ADAMTSL1: variants seen among roughly 807,000 people sequenced by gnomAD.
ADAMTSL1 encodes ADAMTS-like protein 1.
Under a neutral mutation model 201.8 loss-of-function variants are expected in ADAMTSL1, and 126 were observed. That is an observed-to-expected ratio of 0.62 (90% CI 0.54 to 0.72). The LOEUF (loss-of-function observed/expected upper bound fraction) is 0.72, where lower values mean the gene tolerates loss of function less well. Ranked by LOEUF, ADAMTSL1 falls within the 30% of genes least tolerant of loss-of-function variation. ADAMTSL1 has a pLI of 0.00. For missense variants in ADAMTSL1, 2,679 were observed against 2,277.8 expected, an observed-to-expected ratio of 1.18 and a Z score of -3.59; for synonymous variants, 1,121 against 903.4, an observed-to-expected ratio of 1.24 and a Z score of -4.32.
At chr9:17,924,244 C>T (rs904802757) in intron 1 of ADAMTSL1, among the ~76,000 whole-genome samples, 5 of 152,008 alleles carry the variant, frequency 3.3e-5, no homozygotes, top group African/African-American at 1.2e-4. Flanking sequence ...GGCTGTGAAT[C>T]CATCTGGTCC....
chr9:18,270,457 A>G (rs16936498), intron 2 of ADAMTSL1, among the ~76,000 whole-genome samples: 5,794 of 152,254 alleles, frequency 0.038, 382 homozygotes, highest in African/African-American at 0.13. Context: ...ATCCTTACCT[A>G]AATCCAAAAA....
At chr9:18,448,882 T>C (rs1329721) in intron 2 of ADAMTSL1, among the ~76,000 whole-genome samples, 81,856 of 151,974 alleles carry the variant, frequency 0.54, 22,160 homozygotes, top group Non-Finnish European at 0.57. Context: ...AAGGCTCGAA[T>C]GTTTAAAATT....
intron 2 of ADAMTSL1, among the ~76,000 whole-genome samples, chr9:18,434,958 T>C (rs118017405): frequency 2.1e-3 from 326 of 152,338 alleles, no homozygotes; most frequent in Middle Eastern, 6.8e-3. Context: ...GGACCACATC[T>C]GGCTTTGATC....
At chr9:18,798,136 C>A (rs1822550278) in intron 20 of ADAMTSL1, among the ~76,000 whole-genome samples, 1 of 151,780 alleles carries the variant, frequency 6.6e-6, no homozygotes, top group Non-Finnish European at 1.5e-5. Context: ...AATCAAGTGT[C>A]CCCATGATTT....
intron 2 of ADAMTSL1, among the ~76,000 whole-genome samples, chr9:18,467,202 G>A (rs1821041366): frequency 6.6e-6 from 1 of 152,136 alleles, no homozygotes; most frequent in Non-Finnish European, 1.5e-5. Context: ...AGGGTAGCAG[G>A]TGAAAAGTAC....
rs1823732388 is a variant in ADAMTSL1, at chr9:18,814,851, CT to C, written c.3806-2257del. On this transcript the variant is annotated intron_variant, in intron 20 of 28. Coordinates refer to ENST00000380548, the MANE Select transcript of ADAMTSL1 (RefSeq NM_001040272.6). ...ACACAAGGTTACCTATGTAACAACC[CT>C]GCATATGTGCCCCTAACTTAATTAG... Among the ~76,000 whole-genome samples, 5 of 152,236 alleles carry C rather than the reference CT, an allele frequency of 3.3e-5. No individual in the cohort carries two copies. The South Asian group carries it at 6.2e-4, about 19-fold the overall frequency.
At chr9:18,466,366 C>T (rs1821005239) in intron 2 of ADAMTSL1, among the ~76,000 whole-genome samples, 1 of 152,006 alleles carries the variant, frequency 6.6e-6, no homozygotes, top group Non-Finnish European at 1.5e-5. Flanking sequence ...TATTTTATTT[C>T]CTTCTTGCCA....
chr9:17,952,199 C>T, intron 1 of ADAMTSL1, among the ~76,000 whole-genome samples: 1 of 151,748 alleles, frequency 6.6e-6, no homozygotes, highest in African/African-American at 2.4e-5. Flanking sequence ...AGCAATCCTC[C>T]TGCCTCAGCC....
intron 2 of ADAMTSL1, among the ~76,000 whole-genome samples, chr9:18,243,132 GAC>G: frequency 6.6e-6 from 1 of 152,214 alleles, no homozygotes; most frequent in East Asian, 1.9e-4. Context: ...CATTAAAACA[GAC>G]ACATAGACCA....
chr9:18,189,417 G>T (rs185011714), intron 2 of ADAMTSL1, among the ~76,000 whole-genome samples: 1 of 152,208 alleles, frequency 6.6e-6, no homozygotes, highest in African/African-American at 2.4e-5. Context: ...AAGGCTATGT[G>T]GTGTCTGTAT....
intron 1 of ADAMTSL1, among the ~76,000 whole-genome samples, chr9:18,143,337 AT>A (rs1826482957): frequency 1.3e-5 from 2 of 152,130 alleles, no homozygotes; most frequent in Non-Finnish European, 2.9e-5. Flanking sequence ...TAATTGAAGG[AT>A]TTTAAAAAGT....
At chr9:17,989,792 C>T (rs7856201) in intron 1 of ADAMTSL1, among the ~76,000 whole-genome samples, 87,838 of 151,428 alleles carry the variant, frequency 0.58, 28,078 homozygotes, top group African/African-American at 0.85. Flanking sequence ...TGGACATTGA[C>T]ATTTTAAGCC....
At chr9:18,306,309 A>G (rs971189097) in intron 2 of ADAMTSL1, among the ~76,000 whole-genome samples, 4 of 152,204 alleles carry the variant, frequency 2.6e-5, no homozygotes, top group African/African-American at 7.2e-5. Context: ...ACAACTCCTC[A>G]CCAGCAAGGG....
rs1342429750 is a variant in ADAMTSL1, at chr9:18,909,593, C to G, written c.*1045C>G. ...CCTTCTAGGACCTTTGCTGCTCCAC[C>G]GAAGGGCCAGGGACTATGGTTAACT... On this transcript the variant is annotated 3_prime_UTR_variant, in exon 29 of 29. Coordinates refer to ENST00000380548, the MANE Select transcript of ADAMTSL1 (RefSeq NM_001040272.6). The G allele has an allele frequency of 6.6e-6, 1 of 152,210 alleles. No individual in the cohort carries two copies. Among genetic ancestry groups the G allele is most frequent in the Non-Finnish European group, 1.5e-5 (1 of 68,056 alleles). The allele number at this position is 152,210 out of a possible 1,614,324, so 9.4% of individuals were successfully genotyped here. A position where few individuals can be genotyped will look rare whatever the true frequency, so the allele number is the denominator to read the frequency against.
At chr9:18,172,324 A>G (rs907914493) in intron 2 of ADAMTSL1, among the ~76,000 whole-genome samples, 2 of 152,090 alleles carry the variant, frequency 1.3e-5, no homozygotes, top group African/African-American at 2.4e-5. Context: ...GAACAGCCCA[A>G]TAGAAAAAAA....
chr9:17,930,260 G>A (rs1204182834), intron 1 of ADAMTSL1, among the ~76,000 whole-genome samples: 3 of 152,054 alleles, frequency 2.0e-5, no homozygotes, highest in East Asian at 1.9e-4. Flanking sequence ...AGTCTCTGCC[G>A]TCTTTAACAC....
intron 2 of ADAMTSL1, among the ~76,000 whole-genome samples, chr9:18,453,819 T>C (rs1820505302): frequency 6.6e-6 from 1 of 152,212 alleles, no homozygotes; most frequent in Non-Finnish European, 1.5e-5. Flanking sequence ...GAACTATCAG[T>C]GCTCTCTGTG....
chr9:18,033,025 A>T (rs558413525), intron 1 of ADAMTSL1, among the ~76,000 whole-genome samples: 149 of 152,272 alleles, frequency 9.8e-4, no homozygotes, highest in African/African-American at 3.4e-3. Context: ...TCTGTGGGAC[A>T]GGCACCTCCC....
chr9:18,679,055 T>C (rs1830293230), intron 10 of ADAMTSL1, among the ~76,000 whole-genome samples: 1 of 152,164 alleles, frequency 6.6e-6, no homozygotes, highest in Admixed American at 6.5e-5. Context: ...TAACAGTTGT[T>C]GCCTAAACTT....
Sources: allele counts gnomAD v4.1 joint callset (sites outside exome capture counted in the v4.1 genomes callset), GRCh38; gene constraint gnomAD v4.1.1; transcripts MANE v1.5; gene names NCBI Gene and HGNC (gene_info 2026-07-23, HGNC 2026-07-21).